The following DPF3 variants were observed in gnomAD, a reference collection of about 807,000 sequenced individuals.
DPF3 encodes zinc finger protein DPF3.
In DPF3, 18 loss-of-function variants were observed where a neutral mutation model predicts 56.8. The ratio of observed to expected loss-of-function variants is 0.32; its 90% confidence interval spans 0.22 to 0.47. The LOEUF (loss-of-function observed/expected upper bound fraction) is 0.47, where lower values mean the gene tolerates loss of function less well. Ranked by LOEUF, DPF3 falls within the 20% of genes least tolerant of loss-of-function variation. The pLI is 1.00. For synonymous variants in DPF3, 188 were observed against 180.2 expected (o/e 1.04, Z -0.35); for missense variants, 403 against 488.8 (o/e 0.82, Z 1.65).
chr14:72,846,583 ACCTCGG>A (rs1400189811), intron 1 of DPF3, among the ~76,000 whole-genome samples: 1 of 150,982 alleles, frequency 6.6e-6, no homozygotes, highest in Non-Finnish European at 1.5e-5. Context: ...TGATCTGCCC[ACCTCGG>A]CCTCCCAAAG....
At chr14:72,820,379 A>G (rs76893103) in intron 1 of DPF3, among the ~76,000 whole-genome samples, 14,246 of 152,280 alleles carry the variant, frequency 0.094, 824 homozygotes, top group Admixed American at 0.18. Context: ...GCAATGAAAT[A>G]CTGTATTTCA....
chr14:72,782,129 G>C (rs1464656931), intron 1 of DPF3, among the ~76,000 whole-genome samples: 1 of 152,014 alleles, frequency 6.6e-6, no homozygotes, highest in African/African-American at 2.4e-5. Flanking sequence ...TGCAAAGGGT[G>C]CTGCCCTCCC....
At chr14:72,784,939 A>G (rs941344209) in intron 1 of DPF3, among the ~76,000 whole-genome samples, 1 of 151,886 alleles carries the variant, frequency 6.6e-6, no homozygotes, top group Non-Finnish European at 1.5e-5. Context: ...CCTGGGCAAC[A>G]AGAGCAAAAC....
At chr14:72,820,996 G>A (rs1883506504) in intron 1 of DPF3, among the ~76,000 whole-genome samples, 1 of 151,950 alleles carries the variant, frequency 6.6e-6, no homozygotes, top group African/African-American at 2.4e-5. Flanking sequence ...GCCGAGTGTG[G>A]TGGCACATAT....
chr14:72,682,840 G>A (rs988413399), intron 7 of DPF3, among the ~76,000 whole-genome samples: 7 of 152,176 alleles, frequency 4.6e-5, no homozygotes, highest in Non-Finnish European at 7.4e-5. Flanking sequence ...CCCTACATGG[G>A]ATAGAGCATT....
chr14:72,827,771 C>T (rs113584949), intron 1 of DPF3, among the ~76,000 whole-genome samples: 15,616 of 151,952 alleles, frequency 0.1, 950 homozygotes, highest in South Asian at 0.18. Context: ...TGAGCCACTG[C>T]GCCTGGCCCC....
chr14:72,713,796 C>A (rs1888763160), intron 6 of DPF3, among the ~76,000 whole-genome samples: 1 of 152,202 alleles, frequency 6.6e-6, no homozygotes, highest in Non-Finnish European at 1.5e-5. Context: ...CTGCGACTCC[C>A]CTCCCGTGGG....
intron 1 of DPF3, among the ~76,000 whole-genome samples, chr14:72,822,599 G>T (rs1883602519): frequency 2.0e-5 from 3 of 152,086 alleles, no homozygotes; most frequent in Admixed American, 2.0e-4. Context: ...GTGAAAACAG[G>T]GGTGACAGAG....
intron 6 of DPF3, among the ~76,000 whole-genome samples, chr14:72,713,239 T>C (rs966310854): frequency 6.6e-6 from 1 of 152,262 alleles, no homozygotes; most frequent in African/African-American, 2.4e-5. Flanking sequence ...AGGAATGGCA[T>C]CTGCATGGAG....
chr14:72,745,686 G>A (rs1462351243), intron 3 of DPF3, among the ~76,000 whole-genome samples: 1 of 151,970 alleles, frequency 6.6e-6, no homozygotes, highest in Non-Finnish European at 1.5e-5. Flanking sequence ...CCTTGGGAAG[G>A]TCAGCCTCAG....
chr14:72,885,806 C>G (rs972872124), intron 1 of DPF3, among the ~76,000 whole-genome samples: 2 of 152,150 alleles, frequency 1.3e-5, no homozygotes, highest in African/African-American at 4.8e-5. Flanking sequence ...AACCCAAATG[C>G]CCATCGGCAG....
intron 7 of DPF3, among the ~76,000 whole-genome samples, chr14:72,676,895 T>C (rs1231192454): frequency 6.6e-6 from 1 of 152,106 alleles, no homozygotes; most frequent in Admixed American, 6.6e-5. Context: ...CAACAGACCA[T>C]TGGTAGAACA....
chr14:72,811,170 G>A (rs1030890727), intron 1 of DPF3, among the ~76,000 whole-genome samples: 6 of 152,164 alleles, frequency 3.9e-5, no homozygotes, highest in African/African-American at 1.2e-4. Flanking sequence ...ATCACCAAGT[G>A]GACGGTGCTA....
At chr14:72,770,236 T>G (rs4899442) in intron 2 of DPF3, among the ~76,000 whole-genome samples, 146,884 of 152,292 alleles carry the variant, frequency 0.96, 70,876 homozygotes, top group East Asian at 1. Flanking sequence ...CAATTCACAG[T>G]AATAACACCA....
chr14:72,825,351 G>A lies in DPF3; in HGVS notation c.33-53458C>T, dbSNP rs576793153. On this transcript the variant is annotated intron_variant, in intron 1 of 10. Transcript: ENST00000556509. Reference sequence around the variant, plus strand: ...TGAATTGAATATACAGACCCACAAGGAGCAACCTGGTACTGGCGGACATTT... The same window carrying A: ...TGAATTGAATATACAGACCCACAAGAAGCAACCTGGTACTGGCGGACATTT... Among the ~76,000 whole-genome samples the A allele has an allele frequency of 2.0e-5, 3 of 152,310 alleles. No homozygotes were observed. The South Asian group carries it at 6.2e-4, about 32-fold the overall frequency.
intron 6 of DPF3, among the ~76,000 whole-genome samples, chr14:72,704,979 C>T (rs116468726): frequency 1.0e-3 from 155 of 152,266 alleles, no homozygotes; most frequent in African/African-American, 3.6e-3. Flanking sequence ...ACACCGAATC[C>T]TACAGATCAA....
At chr14:72,792,266 CACAAAGAGGGGG>C (rs1368703179) in intron 1 of DPF3, among the ~76,000 whole-genome samples, 2 of 152,118 alleles carry the variant, frequency 1.3e-5, no homozygotes, top group African/African-American at 2.4e-5. Context: ...GACAGGGTGA[CACAAAGAGGGGG>C]AAGGCCTCCT....
intron 1 of DPF3, among the ~76,000 whole-genome samples, chr14:72,818,766 C>T (rs557310572): frequency 6.6e-6 from 1 of 152,274 alleles, no homozygotes; most frequent in African/African-American, 2.4e-5. Flanking sequence ...CCACTAAATA[C>T]TCAACATGAT....
intron 8 of DPF3, among the ~76,000 whole-genome samples, chr14:72,648,251 A>C (rs1885782878): frequency 6.6e-6 from 1 of 152,192 alleles, no homozygotes; most frequent in Non-Finnish European, 1.5e-5. Context: ...TAGTTGAAAA[A>C]TACATAAACA....
Sources: allele counts gnomAD v4.1 joint callset (sites outside exome capture counted in the v4.1 genomes callset), GRCh38; gene constraint gnomAD v4.1.1; transcripts MANE v1.5; gene names NCBI Gene and HGNC (gene_info 2026-07-23, HGNC 2026-07-21).